The following DMXL1 variants were observed in gnomAD, a reference collection of about 807,000 sequenced individuals.
DMXL1 encodes the protein dmX-like protein 1.
DMXL1 carries 99 observed loss-of-function variants against 319.2 expected under a neutral mutation model. That is an observed-to-expected ratio of 0.31 (90% CI 0.26 to 0.37). The LOEUF (loss-of-function observed/expected upper bound fraction) is 0.37. DMXL1 is among the 10% of genes least tolerant of loss of function. The probability of loss-of-function intolerance (pLI) is 1.00; values close to 1 mark genes in which losing one functional copy is unlikely to be tolerated. For missense variants in DMXL1, 3,745 were observed against 3,595.6 expected (o/e 1.04, Z -1.06); for synonymous variants, 1,385 against 1,235.2 (o/e 1.12, Z -2.54).
intron 1 of DMXL1, among the ~76,000 whole-genome samples, chr5:119,073,107 GGCTGGAGT>G (rs1389844898): frequency 6.6e-6 from 1 of 152,198 alleles, no homozygotes; most frequent in African/African-American, 2.4e-5. Context: ...CTGTCACCTA[GGCTGGAGT>G]GCAGTGGCGG....
rs563615586 is a variant in DMXL1, at chr5:119,099,721, G to A, written c.213+1617G>A. ...TCCAGGTTAGAATGAAGAAATCATGGCCATGTGTGGTGGCTCATGCCTGTA... is the reference window on the plus strand; with the variant it reads ...TCCAGGTTAGAATGAAGAAATCATGACCATGTGTGGTGGCTCATGCCTGTA... On this transcript the variant is annotated intron_variant, in intron 2 of 43. Coordinates refer to ENST00000539542, the MANE Select transcript of DMXL1 (RefSeq NM_001290321.3). Among the ~76,000 whole-genome samples the A allele has an allele frequency of 2.0e-5, 3 of 152,298 alleles. No homozygotes were observed. The South Asian group carries it at 6.2e-4, about 32-fold the overall frequency.
intron 30 of DMXL1, among the ~76,000 whole-genome samples, chr5:119,195,893 C>A (rs2150403542): frequency 6.6e-6 from 1 of 152,294 alleles, no homozygotes; most frequent in East Asian, 1.9e-4. Context: ...TATCCAATTT[C>A]TTCTGCACAT....
At chr5:119,080,474 A>G (rs1182432805) in intron 1 of DMXL1, among the ~76,000 whole-genome samples, 2 of 152,050 alleles carry the variant, frequency 1.3e-5, no homozygotes, top group Non-Finnish European at 2.9e-5. Context: ...GAATGGTTCC[A>G]TTATCCAGCT....
chr5:119,214,244 T>C (rs1581368701), intron 34 of DMXL1, among the ~76,000 whole-genome samples: 1 of 152,166 alleles, frequency 6.6e-6, no homozygotes. Flanking sequence ...TTCATCCTTT[T>C]TCTTTCCTTC....
chr5:119,194,509 T>C (rs566985159), intron 30 of DMXL1, among the ~76,000 whole-genome samples: 2 of 149,720 alleles, frequency 1.3e-5, no homozygotes, highest in Admixed American at 1.3e-4. Flanking sequence ...TATTGATATG[T>C]TTACATCTAA....
At chr5:119,231,975 T>A (rs1166888913) in intron 38 of DMXL1, among the ~76,000 whole-genome samples, 1 of 152,190 alleles carries the variant, frequency 6.6e-6, no homozygotes, top group Non-Finnish European at 1.5e-5. Flanking sequence ...TTCTTTTTTT[T>A]AAGATTTTTT....
intron 1 of DMXL1, among the ~76,000 whole-genome samples, chr5:119,097,674 G>GC (rs1756294305): frequency 6.6e-6 from 1 of 152,158 alleles, no homozygotes; most frequent in Non-Finnish European, 1.5e-5. Context: ...CCGAGATTGC[G>GC]CCACTGCACT....
chr5:119,227,764 GC>G, intron 38 of DMXL1, among the ~76,000 whole-genome samples: 1 of 152,120 alleles, frequency 6.6e-6, no homozygotes, highest in East Asian at 1.9e-4. Flanking sequence ...ATTATGTCCT[GC>G]TATAAGAAGG....
chr5:119,214,386 T>G (rs1319470309), intron 34 of DMXL1, among the ~76,000 whole-genome samples: 1 of 152,228 alleles, frequency 6.6e-6, no homozygotes, highest in African/African-American at 2.4e-5. Context: ...AGTCGCCTTT[T>G]AACTGGTTTT....
intron 13 of DMXL1, among the ~76,000 whole-genome samples, chr5:119,141,556 G>C (rs1396092095): frequency 1.3e-5 from 2 of 152,140 alleles, no homozygotes; most frequent in Non-Finnish European, 2.9e-5. Context: ...GGGGGTGGAA[G>C]ATCTCTACAA....
intron 35 of DMXL1, among the ~76,000 whole-genome samples, chr5:119,220,182 T>G (rs1180366471): frequency 6.6e-6 from 1 of 152,196 alleles, no homozygotes; most frequent in Non-Finnish European, 1.5e-5. Flanking sequence ...TGTGCATACC[T>G]TAGAGCGATC....
chr5:119,118,780 T>C (rs1761403279), intron 7 of DMXL1, 35 bp from the exon 8 acceptor site: 2 of 1,513,050 alleles, frequency 1.3e-6, no homozygotes, highest in African/African-American at 2.8e-5. Flanking sequence ...ATGTGAAATT[T>C]GTATTTTTGC....
chr5:119,131,046 T>A (rs1764765424), intron 10 of DMXL1, among the ~76,000 whole-genome samples: 1 of 152,016 alleles, frequency 6.6e-6, no homozygotes, highest in African/African-American at 2.4e-5. Context: ...AATGGACATC[T>A]TGTTTTACTT....
At chr5:119,184,289 C>G (rs965487996) in intron 28 of DMXL1, among the ~76,000 whole-genome samples, 1 of 152,070 alleles carries the variant, frequency 6.6e-6, no homozygotes, top group Non-Finnish European at 1.5e-5. Flanking sequence ...GTCTTGGACT[C>G]CTGGACTCAA....
intron 1 of DMXL1, among the ~76,000 whole-genome samples, chr5:119,088,971 T>C (rs1753978180): frequency 6.6e-6 from 1 of 152,044 alleles, no homozygotes; most frequent in Non-Finnish European, 1.5e-5. Context: ...GTGAGTTTTA[T>C]ATCTTCCAAA....
intron 22 of DMXL1, among the ~76,000 whole-genome samples, chr5:119,167,375 C>CAT (rs1316695205): frequency 5.9e-5 from 9 of 151,650 alleles, no homozygotes; most frequent in Admixed American, 6.6e-5. Context: ...AATTTTTGCA[C>CAT]ATATATATAT....
At chr5:119,196,530 T>TC in intron 31 of DMXL1, 74 bp downstream of exon 31, 14 of 1,173,032 alleles carry the variant, frequency 1.2e-5, no homozygotes, top group Admixed American at 4.1e-5. Flanking sequence ...TTTTTTTTTT[T>TC]TTTTGGTCTG....
chr5:119,213,799 G>C (rs1167969769), intron 34 of DMXL1, among the ~76,000 whole-genome samples: 3 of 152,086 alleles, frequency 2.0e-5, no homozygotes, highest in Admixed American at 1.3e-4. Context: ...CTGACTTCCA[G>C]TATACTAAAT....
rs1249006320 is a variant in DMXL1 at position 119,089,308 on chromosome 5, T to A, written c.88-8671T>A. On this transcript the variant is annotated intron_variant, in intron 1 of 43. Transcript: ENST00000539542. ...TATATATATATTTTTTTTTTTTTTTTTTTTTTTTTTTTTTTGAGACAGAGT... is the reference window on the plus strand; with the variant it reads ...TATATATATATTTTTTTTTTTTTTTATTTTTTTTTTTTTTTGAGACAGAGT... Among the ~76,000 whole-genome samples, 247 of 103,300 alleles carry A rather than the reference T, an allele frequency of 2.4e-3. 3 individuals are homozygous for A. The highest frequency in any genetic ancestry group is 8.0e-3 in the African/African-American group (230 of 28,618). The allele number at this position is 103,300 out of a possible 152,430, so 67.8% of individuals were successfully genotyped here. A position where few individuals can be genotyped will look rare whatever the true frequency, so the allele number is the denominator to read the frequency against.
Sources: allele counts gnomAD v4.1 joint callset (sites outside exome capture counted in the v4.1 genomes callset), GRCh38; gene constraint gnomAD v4.1.1; transcripts MANE v1.5; gene names NCBI Gene and HGNC (gene_info 2026-07-23, HGNC 2026-07-21).